Variants in UGT2B7 observed in about 807,000 individuals in gnomAD.
UGT2B7 encodes UDP-glucuronosyltransferase 2B7.
In UGT2B7, 51 loss-of-function variants were observed where a neutral mutation model predicts 51.9. The ratio of observed to expected loss-of-function variants is 0.98; its 90% confidence interval spans 0.78 to 1.24. The LOEUF is 1.24. UGT2B7 is among the 50% of genes most tolerant of loss of function. The probability of loss-of-function intolerance (pLI) is 0.00; values close to 1 mark genes in which losing one functional copy is unlikely to be tolerated. For synonymous variants in UGT2B7, 225 were observed against 211.6 expected (o/e 1.06, Z -0.55); for missense variants, 727 against 628.4 (o/e 1.16, Z -1.68).
chr4:69,110,870 T>C (rs1263846185), intron 5 of UGT2B7, among the ~76,000 whole-genome samples: 2 of 152,202 alleles, frequency 1.3e-5, no homozygotes, highest in Admixed American at 6.5e-5. Flanking sequence ...ACTTAGTGTA[T>C]GAATATTTAT....
rs538155747 is a variant in UGT2B7 at position 69,069,174 on chromosome 4, A to C, written c.-159+17572A>C. ...TAAGGCCATCCACTTTCATACTTTTAACCATGAATCCATTGATGTAATGTT... is the reference window on the plus strand; with the variant it reads ...TAAGGCCATCCACTTTCATACTTTTCACCATGAATCCATTGATGTAATGTT... On this transcript the variant is annotated intron_variant, in intron 1 of 5. Transcript: ENST00000502942. Among the ~76,000 whole-genome samples, 6 of 151,794 alleles carry C rather than the reference A, an allele frequency of 4.0e-5. No homozygotes were observed. In the South Asian group the frequency reaches 1.2e-3, roughly 32 times the overall value.
At chr4:69,076,130 T>G (rs1297174900) in intron 1 of UGT2B7, among the ~76,000 whole-genome samples, 1 of 152,218 alleles carries the variant, frequency 6.6e-6, no homozygotes, top group Non-Finnish European at 1.5e-5. Context: ...TATGTGTGCA[T>G]AGTATTCTAT....
At chr4:69,087,102 TTCTCTCTCACTCTG>T (rs1282881549) in intron 1 of UGT2B7, among the ~76,000 whole-genome samples, 4 of 151,150 alleles carry the variant, frequency 2.6e-5, no homozygotes, top group African/African-American at 9.7e-5. Flanking sequence ...GTGTCTTCCT[TTCTCTCTCACTCTG>T]TCTCTCTCTC....
intron 1 of UGT2B7, among the ~76,000 whole-genome samples, chr4:69,081,585 C>T (rs1246346921): frequency 2.6e-5 from 4 of 152,108 alleles, no homozygotes; most frequent in Non-Finnish European, 5.9e-5. Flanking sequence ...CTCTGGTATA[C>T]AATTTACTCA....
intron 1 of UGT2B7, among the ~76,000 whole-genome samples, chr4:69,063,509 C>T (rs964729971): frequency 5.3e-5 from 8 of 151,838 alleles, no homozygotes; most frequent in Admixed American, 3.3e-4. Context: ...ACTTGCTGGC[C>T]CAGCAAGCCA....
chr4:69,061,984 G>C (rs1368839371), intron 1 of UGT2B7, among the ~76,000 whole-genome samples: 1 of 152,162 alleles, frequency 6.6e-6, no homozygotes. Flanking sequence ...ATTATTCCCA[G>C]ATTTGGACTG....
At chr4:69,076,143 T>G (rs911756073) in intron 1 of UGT2B7, among the ~76,000 whole-genome samples, 1 of 152,222 alleles carries the variant, frequency 6.6e-6, no homozygotes, top group African/African-American at 2.4e-5. Flanking sequence ...TATTCTATGA[T>G]ATATATGTGC....
intron 2 of UGT2B7, among the ~76,000 whole-genome samples, chr4:69,100,309 AT>A (rs1171397059): frequency 7.0e-6 from 1 of 142,488 alleles, no homozygotes; most frequent in Non-Finnish European, 1.5e-5. Context: ...ATTCCAGGGA[AT>A]TCTGTCAGCA....
At chr4:69,055,781 G>C (rs1275272655) in intron 1 of UGT2B7, among the ~76,000 whole-genome samples, 1 of 152,190 alleles carries the variant, frequency 6.6e-6, no homozygotes, top group South Asian at 2.1e-4. Context: ...ATCATCTCTA[G>C]GTTCTAAAAG....
intron 4 of UGT2B7, among the ~76,000 whole-genome samples, chr4:69,107,470 C>T (rs1173262316): frequency 7.9e-5 from 12 of 152,020 alleles, no homozygotes; most frequent in African/African-American, 2.2e-4. Flanking sequence ...TAGTCTGAAT[C>T]GGGGGAATCT....
At position 69,096,529 on chromosome 4, in the gene UGT2B7, G is replaced by T. The variant is rs1719231478; in HGVS notation, c.9G>T (p.Val3=). The T allele has an allele frequency of 6.2e-7, 1 of 1,613,788 alleles. No homozygotes were observed. Among genetic ancestry groups the T allele is most frequent in the Admixed American group, 1.7e-5 (1 of 59,986 alleles). Reference sequence around the variant, plus strand: ...CATTGCATTGCACCAGGATGTCTGTGAAATGGACTTCAGTAATTTTGCTAA... The same window carrying T: ...CATTGCATTGCACCAGGATGTCTGTTAAATGGACTTCAGTAATTTTGCTAA... The part of the protein sequence containing the change: MS[V]KWTSVILLIQ... Residue 3 remains valine, a synonymous_variant, in exon 1 of 6, where the codon GTG becomes GTT. Coordinates refer to ENST00000305231, the MANE Select transcript of UGT2B7 (RefSeq NM_001074.4).
At chr4:69,092,063 G>T (rs1163995242), upstream of UGT2B7, among the ~76,000 whole-genome samples, 2 of 152,048 alleles carry the variant, frequency 1.3e-5, no homozygotes. Context: ...AGCCTCCCAA[G>T]TAGCTAGGAC....
intron 2 of UGT2B7, among the ~76,000 whole-genome samples, chr4:69,101,586 C>T (rs912628316): frequency 2.6e-5 from 4 of 151,770 alleles, no homozygotes; most frequent in African/African-American, 9.7e-5. Context: ...ACCTAGATGC[C>T]CCAAGTATTA....
chr4:69,095,256 G>GT (rs1719191568), upstream of UGT2B7, among the ~76,000 whole-genome samples: 1 of 152,208 alleles, frequency 6.6e-6, no homozygotes, highest in Admixed American at 6.5e-5. Flanking sequence ...TGGGTTGGAG[G>GT]TTTTAAGGAG....
At chr4:69,080,870 A>G (rs1319481386) in intron 1 of UGT2B7, among the ~76,000 whole-genome samples, 6 of 152,178 alleles carry the variant, frequency 3.9e-5, no homozygotes, top group African/African-American at 1.4e-4. Context: ...TAGGAACTAC[A>G]TCACATTCTC....
chr4:69,101,790 C>A (rs912429941), intron 2 of UGT2B7, among the ~76,000 whole-genome samples: 1 of 152,066 alleles, frequency 6.6e-6, no homozygotes, highest in Non-Finnish European at 1.5e-5. Flanking sequence ...ATATATTGGA[C>A]AACGCAAGTC....
intron 1 of UGT2B7, among the ~76,000 whole-genome samples, chr4:69,089,139 T>C (rs1262331817): frequency 6.6e-6 from 1 of 152,178 alleles, no homozygotes; most frequent in Admixed American, 6.6e-5. Flanking sequence ...ATCATTTTAC[T>C]GACATCACTC....
intron 1 of UGT2B7, among the ~76,000 whole-genome samples, chr4:69,067,917 G>A (rs981248286): frequency 5.9e-5 from 9 of 152,058 alleles, no homozygotes; most frequent in Non-Finnish European, 1.2e-4. Flanking sequence ...TGAGGCCAAA[G>A]TTGAAGCAGA....
intron 1 of UGT2B7, among the ~76,000 whole-genome samples, chr4:69,065,966 T>C (rs1718475244): frequency 6.6e-6 from 1 of 152,174 alleles, no homozygotes; most frequent in Non-Finnish European, 1.5e-5. Flanking sequence ...ACATCATGAT[T>C]GTATTTAACT....
Sources: gnomAD v4.1 joint callset for allele counts (sites outside exome capture counted in the v4.1 genomes callset) on GRCh38, gnomAD v4.1.1 for gene constraint, MANE v1.5 for transcripts, NCBI Gene and HGNC (gene_info 2026-07-23, HGNC 2026-07-21) for gene names.